The following SCTR variants were observed in gnomAD, a reference collection of about 807,000 sequenced individuals.
The protein encoded by SCTR is pancreatic secretin receptor.
In SCTR, 56 loss-of-function variants were observed where a neutral mutation model predicts 60.8. That is an observed-to-expected ratio of 0.92 (90% confidence interval 0.74 to 1.15). The LOEUF is 1.15. Ranked by LOEUF, SCTR falls within the 50% of genes most tolerant of loss-of-function variation. SCTR has a pLI of 0.00. For missense variants in SCTR, 562 were observed against 550.4 expected (o/e 1.02, Z -0.21); for synonymous variants, 202 against 217.0 (o/e 0.93, Z 0.61).
chr2:119,451,973 C>T (rs776067765), intron 9 of SCTR, 37 bp downstream of exon 9: 55 of 1,349,446 alleles, frequency 4.1e-5, no homozygotes, highest in Non-Finnish European at 5.4e-5. Flanking sequence ...TCCGTCTCTC[C>T]CACTGATCCC....
At chr2:119,471,177 T>G (rs1676994089) in intron 4 of SCTR, among the ~76,000 whole-genome samples, 1 of 152,236 alleles carries the variant, frequency 6.6e-6, no homozygotes, top group Non-Finnish European at 1.5e-5. Context: ...CACATGTGCT[T>G]ATTAAACCAG....
chr2:119,483,184 C>T (rs1010720878), intron 2 of SCTR, among the ~76,000 whole-genome samples: 3 of 152,204 alleles, frequency 2.0e-5, no homozygotes, highest in Non-Finnish European at 2.9e-5. Flanking sequence ...TCAGGCAGGG[C>T]CCCCAGGGAT....
At chr2:119,466,820 C>T (rs910978694) in intron 4 of SCTR, among the ~76,000 whole-genome samples, 3 of 152,044 alleles carry the variant, frequency 2.0e-5, no homozygotes, top group Non-Finnish European at 4.4e-5. Context: ...AACCTCTTTC[C>T]ACAATCCTTC....
chr2:119,465,916 C>G (rs374858406), intron 4 of SCTR, 30 bp from the exon 5 acceptor site: 1 of 1,530,668 alleles, frequency 6.5e-7, no homozygotes, highest in Admixed American at 1.7e-5. Context: ...TCAGCCCCGC[C>G]GGCCCTCCTG....
At chr2:119,458,156 A>C (rs1244864003) in intron 7 of SCTR, among the ~76,000 whole-genome samples, 1 of 151,906 alleles carries the variant, frequency 6.6e-6, no homozygotes, top group Admixed American at 6.6e-5. Flanking sequence ...GTAAATAAAA[A>C]TTAGCTAGGT....
chr2:119,461,477 C>T (rs962448209), intron 7 of SCTR, among the ~76,000 whole-genome samples: 5 of 152,092 alleles, frequency 3.3e-5, no homozygotes, highest in South Asian at 4.2e-4. Context: ...TTTGGGAGGC[C>T]GAGGCGGGCG....
intron 7 of SCTR, among the ~76,000 whole-genome samples, chr2:119,455,263 T>A (rs1404646495): frequency 6.6e-6 from 1 of 152,210 alleles, no homozygotes; most frequent in African/African-American, 2.4e-5. Context: ...AAAGAGCCTA[T>A]AGATAGCCAT....
chr2:119,487,283 C>G (rs1342778084), intron 2 of SCTR: 1 of 152,200 alleles, frequency 6.6e-6, no homozygotes, highest in African/African-American at 2.4e-5. Flanking sequence ...GAATTATTCA[C>G]TTCAAAACAG....
In SCTR at chr2:119,464,275, G is replaced by A. The variant is rs199884107; in HGVS notation, c.504-20C>T. On this transcript the variant is annotated intron_variant, in intron 5 of 12. Coordinates refer to ENST00000019103, the MANE Select transcript of SCTR (RefSeq NM_002980.3). Reference sequence around the variant, plus strand: ...AGCCTCCTGCAGGGAGAGAATGTAGGGACATAGAGGCCAGAGCCTGAGGGG... The same window carrying A: ...AGCCTCCTGCAGGGAGAGAATGTAGAGACATAGAGGCCAGAGCCTGAGGGG... 1.8e-4 allele frequency: 286 copies of A among 1,614,010 alleles called. No homozygotes were observed. The African/African-American group carries it at 3.4e-3, about 19-fold the overall frequency.
At chr2:119,460,907 A>G (rs1448119641) in intron 7 of SCTR, among the ~76,000 whole-genome samples, 1 of 152,176 alleles carries the variant, frequency 6.6e-6, no homozygotes, top group Non-Finnish European at 1.5e-5. Flanking sequence ...ATGAGATTCA[A>G]GCAGTCCAAC....
intron 1 of SCTR, among the ~76,000 whole-genome samples, chr2:119,512,078 T>C (rs1339031544): frequency 6.6e-6 from 1 of 152,222 alleles, no homozygotes; most frequent in African/African-American, 2.4e-5. Flanking sequence ...TTTTTAAATT[T>C]ATTGATTGGA....
chr2:119,489,985 T>C (rs543036958), intron 2 of SCTR, among the ~76,000 whole-genome samples: 103 of 152,308 alleles, frequency 6.8e-4, no homozygotes, highest in African/African-American at 2.5e-3. Context: ...GCTGCTGTCA[T>C]TGGAATTTCA....
chr2:119,452,177 G>GGCC, intron 8 of SCTR, 98 bp from the exon 9 acceptor site: 2 of 739,098 alleles, frequency 2.7e-6, no homozygotes, highest in Non-Finnish European at 4.8e-6. Context: ...TGGTATGAAG[G>GGCC]ACCTGTGTTT....
intron 2 of SCTR, among the ~76,000 whole-genome samples, chr2:119,493,335 C>T (rs1331048778): frequency 6.6e-6 from 1 of 152,190 alleles, no homozygotes; most frequent in Admixed American, 6.5e-5. Context: ...GGTGTTTCCA[C>T]TTCTTCATCC....
intron 1 of SCTR, among the ~76,000 whole-genome samples, chr2:119,514,565 T>C (rs919559788): frequency 2.6e-5 from 4 of 152,104 alleles, no homozygotes; most frequent in Admixed American, 1.3e-4. Context: ...GGAGGAGATA[T>C]AATAAAAATC....
chr2:119,474,798 C>T (rs532711407), intron 3 of SCTR, among the ~76,000 whole-genome samples: 61 of 152,332 alleles, frequency 4.0e-4, no homozygotes, highest in African/African-American at 1.4e-3. Flanking sequence ...CTGTTCTACC[C>T]ACCCACCGGG....
intron 3 of SCTR, 117 bp downstream of exon 3, chr2:119,478,694 A>G (rs1677450054): frequency 6.0e-6 from 5 of 827,618 alleles, no homozygotes; most frequent in Non-Finnish European, 9.7e-6. Context: ...CTCCCCCATC[A>G]TTGTACCCAT....
At chr2:119,494,871 T>G (rs1008943134) in intron 1 of SCTR, among the ~76,000 whole-genome samples, 87 of 152,368 alleles carry the variant, frequency 5.7e-4, no homozygotes, top group African/African-American at 2.0e-3. Context: ...ACTTACTTTA[T>G]GCTACTCCAA....
chr2:119,510,445 G>A (rs1678895452), intron 1 of SCTR, among the ~76,000 whole-genome samples: 1 of 152,210 alleles, frequency 6.6e-6, no homozygotes, highest in Non-Finnish European at 1.5e-5. Flanking sequence ...GAGCGCCTGG[G>A]AAGAGCATGT....
Sources: gnomAD v4.1 joint callset for allele counts (sites outside exome capture counted in the v4.1 genomes callset) on GRCh38, gnomAD v4.1.1 for gene constraint, MANE v1.5 for transcripts, NCBI Gene and HGNC (gene_info 2026-07-23, HGNC 2026-07-21) for gene names.